The following MBOAT2 variants were observed in gnomAD, a reference collection of about 807,000 sequenced individuals.
The protein encoded by MBOAT2 is membrane bound glycerophospholipid O-acyltransferase 2.
In MBOAT2, 28 loss-of-function variants were observed where a neutral mutation model predicts 63.4. The ratio of observed to expected loss-of-function variants is 0.44; its 90% CI spans 0.33 to 0.61. The LOEUF (loss-of-function observed/expected upper bound fraction) is 0.61. Ranked by LOEUF, MBOAT2 falls within the 20% of genes least tolerant of loss-of-function variation. The pLI is 0.03. For synonymous variants in MBOAT2, 211 were observed against 215.6 expected, an observed-to-expected ratio of 0.98 and a Z score of 0.19; for missense variants, 470 against 605.8, an observed-to-expected ratio of 0.78 and a Z score of 2.35.
At chr2:8,932,567 C>T (rs1292331055) in intron 3 of MBOAT2, among the ~76,000 whole-genome samples, 1 of 152,136 alleles carries the variant, frequency 6.6e-6, no homozygotes, top group Non-Finnish European at 1.5e-5. Flanking sequence ...AAGAATCTCA[C>T]TAAATAAAGC....
intron 4 of MBOAT2, 187 bp downstream of exon 4, chr2:8,908,434 T>C: frequency 2.1e-6 from 1 of 465,918 alleles, no homozygotes. Context: ...AACAAGGCTC[T>C]TACTGACTTA....
At chr2:8,973,393 T>G (rs1289270830) in intron 1 of MBOAT2, among the ~76,000 whole-genome samples, 1 of 139,568 alleles carries the variant, frequency 7.2e-6, no homozygotes. Context: ...GGGGGAGGGA[T>G]AGCATTAGGA....
chr2:8,975,516 C>G (rs191307213), intron 1 of MBOAT2, among the ~76,000 whole-genome samples: 1 of 152,084 alleles, frequency 6.6e-6, no homozygotes, highest in African/African-American at 2.4e-5. Context: ...CACGTGGGGG[C>G]AAGAATCATG....
At chr2:8,930,753 T>C (rs1262834641) in intron 3 of MBOAT2, among the ~76,000 whole-genome samples, 2 of 149,150 alleles carry the variant, frequency 1.3e-5, no homozygotes, top group African/African-American at 2.5e-5. Context: ...TTAGGAGAGA[T>C]ACCTAATGCT....
chr2:8,930,529 A>G (rs1054680347), intron 3 of MBOAT2, among the ~76,000 whole-genome samples: 1 of 152,100 alleles, frequency 6.6e-6, no homozygotes, highest in Non-Finnish European at 1.5e-5. Context: ...GAATAGTGCC[A>G]CAATAAACAT....
intron 11 of MBOAT2, among the ~76,000 whole-genome samples, chr2:8,861,479 A>G (rs1305787331): frequency 6.6e-6 from 1 of 152,188 alleles, no homozygotes; most frequent in East Asian, 1.9e-4. Flanking sequence ...GTACCTCAGG[A>G]CAAATGGATT....
At chr2:8,914,242 A>T (rs1573037042) in intron 3 of MBOAT2, among the ~76,000 whole-genome samples, 1 of 152,202 alleles carries the variant, frequency 6.6e-6, no homozygotes, top group African/African-American at 2.4e-5. Context: ...TGATGGGTGC[A>T]CCATGATACA....
At chr2:8,896,238 CAA>C (rs967667476) in intron 4 of MBOAT2, among the ~76,000 whole-genome samples, 36 of 51,238 alleles carry the variant, frequency 7.0e-4, no homozygotes, top group African/African-American at 2.1e-3. Flanking sequence ...GACTCCGTCT[CAA>C]AAAAAAAAAA....
At chr2:8,867,508 G>A (rs778228534) in intron 9 of MBOAT2, among the ~76,000 whole-genome samples, 11 of 152,058 alleles carry the variant, frequency 7.2e-5, no homozygotes, top group Non-Finnish European at 1.6e-4. Flanking sequence ...GATCTGCCTC[G>A]TGGACAACTC....
intron 1 of MBOAT2, among the ~76,000 whole-genome samples, chr2:8,997,997 T>C (rs994991809): frequency 6.6e-6 from 1 of 152,348 alleles, no homozygotes; most frequent in Admixed American, 6.5e-5. Flanking sequence ...TCTTCAAAAT[T>C]TAGTAGTTCA....
intron 1 of MBOAT2, among the ~76,000 whole-genome samples, chr2:8,963,257 G>A (rs1483391084): frequency 4.0e-5 from 6 of 151,506 alleles, no homozygotes; most frequent in South Asian, 2.1e-4. Flanking sequence ...AAATTGAGGC[G>A]GGGGGGCAGG....
chr2:8,901,789 T>A (rs1664947063), intron 4 of MBOAT2, among the ~76,000 whole-genome samples: 2 of 151,926 alleles, frequency 1.3e-5, no homozygotes, highest in East Asian at 1.9e-4. Flanking sequence ...GGTAACAGAG[T>A]CCTGAAGTTT....
At chr2:8,972,123 G>C (rs371553765) in intron 1 of MBOAT2, among the ~76,000 whole-genome samples, 9 of 151,974 alleles carry the variant, frequency 5.9e-5, no homozygotes, top group African/African-American at 1.9e-4. Flanking sequence ...AACTATACTA[G>C]AAGGCTACAG....
chr2:8,911,691 C>T (rs1426966677), intron 3 of MBOAT2, among the ~76,000 whole-genome samples: 1 of 152,152 alleles, frequency 6.6e-6, no homozygotes, highest in African/African-American at 2.4e-5. Context: ...ACCGCTCTTT[C>T]CTCCTCTCTG....
chr2:8,965,157 T>A (rs1486662066), intron 1 of MBOAT2, among the ~76,000 whole-genome samples: 1 of 152,182 alleles, frequency 6.6e-6, no homozygotes, highest in East Asian at 1.9e-4. Flanking sequence ...TTAGTTTTTT[T>A]AAAAAACAGA....
Position 8,943,218 on chromosome 2 carries a change from T to C in MBOAT2, c.268A>G (p.Met90Val). 1.3e-6 allele frequency: 2 copies of C among 1,588,956 alleles called. No individual in the cohort carries two copies. Among genetic ancestry groups the C allele is most frequent in the South Asian group, 1.2e-5 (1 of 86,878 alleles). ...LVQSGISYCI[M>V]IIIGVENMHN... Reference sequence around the variant, plus strand: ...ATGTTCTCCACTCCTATGATGATCATGATACAGTAGGAAATTCCACTTTGT... The same window carrying C: ...ATGTTCTCCACTCCTATGATGATCACGATACAGTAGGAAATTCCACTTTGT... The change falls in exon 3 of 13, where the codon ATG (methionine) becomes GTG (valine). Residue 90 changes from methionine (M) to valine (V), a missense_variant. Met to Val is a conservative substitution (Grantham distance 21, BLOSUM62 1). Coordinates refer to ENST00000305997, the MANE Select transcript of MBOAT2 (RefSeq NM_138799.4).
rs542441023 is a variant in MBOAT2 at position 8,985,121 on chromosome 2, C to T, written c.75+18419G>A. Reference sequence around the variant, plus strand: ...TAAAATGTCTAGTTCCTTTTCTCAACGGCTTTAAGATATGCAAATCAAATT... The same window carrying T: ...TAAAATGTCTAGTTCCTTTTCTCAATGGCTTTAAGATATGCAAATCAAATT... On this transcript the variant is annotated intron_variant, in intron 1 of 12. Transcript: ENST00000305997. Among the ~76,000 whole-genome samples, 28 of 152,220 alleles carry T rather than the reference C, an allele frequency of 1.8e-4. No individual in the cohort carries two copies. In the South Asian group the frequency reaches 2.7e-3, roughly 15 times the overall value.
At chr2:8,890,588 C>T (rs1388902820) in intron 4 of MBOAT2, among the ~76,000 whole-genome samples, 1 of 152,140 alleles carries the variant, frequency 6.6e-6, no homozygotes, top group Non-Finnish European at 1.5e-5. Flanking sequence ...GGTGCAATCT[C>T]GGGTGACTGA....
intron 6 of MBOAT2, among the ~76,000 whole-genome samples, chr2:8,877,761 C>A (rs982760286): frequency 2.0e-5 from 3 of 152,080 alleles, no homozygotes; most frequent in Non-Finnish European, 4.4e-5. Context: ...TGAGCAGAGA[C>A]CAGGAAGAAG....
Sources: allele counts gnomAD v4.1 joint callset (sites outside exome capture counted in the v4.1 genomes callset), GRCh38; gene constraint gnomAD v4.1.1; transcripts MANE v1.5; gene names NCBI Gene and HGNC (gene_info 2026-07-23, HGNC 2026-07-21).